The following ZNF732 variants were observed in gnomAD, a reference collection of about 807,000 sequenced individuals.
ZNF732 encodes the protein zinc finger protein LOC654254.
In ZNF732, 12 loss-of-function variants were observed where a neutral mutation model predicts 11.5. The ratio of observed to expected loss-of-function variants is 1.05; its 90% confidence interval spans 0.67 to 1.70. ZNF732 has a LOEUF of 1.70. Ranked by LOEUF, ZNF732 falls within the 40% of genes most tolerant of loss-of-function variation. ZNF732 has a pLI of 0.00. For synonymous variants in ZNF732, 231 were observed against 236.5 expected, an observed-to-expected ratio of 0.98 and a Z score of 0.21; for missense variants, 702 against 676.9, an observed-to-expected ratio of 1.04 and a Z score of -0.41.
At chr4:273,854 T>C (rs1560156602) in intron 3 of ZNF732, among the ~76,000 whole-genome samples, 1 of 151,032 alleles carries the variant, frequency 6.6e-6, no homozygotes, top group Non-Finnish European at 1.5e-5. Flanking sequence ...ATTGGGATAT[T>C]GTTAAGGTGC....
At chr4:289,392 A>G (rs782393448) in intron 3 of ZNF732, among the ~76,000 whole-genome samples, 1 of 152,244 alleles carries the variant, frequency 6.6e-6, no homozygotes, top group Admixed American at 6.5e-5. Flanking sequence ...TTGCAATGAT[A>G]GCTTTTTGGA....
chr4:288,820 G>C (rs1553840981), intron 3 of ZNF732, among the ~76,000 whole-genome samples: 1 of 152,176 alleles, frequency 6.6e-6, no homozygotes, highest in African/African-American at 2.4e-5. Flanking sequence ...TTGGGAGGCG[G>C]AAGTGGGCTG....
chr4:273,868 G>GAA (rs782395865), intron 3 of ZNF732, among the ~76,000 whole-genome samples: 4 of 131,262 alleles, frequency 3.0e-5, no homozygotes, highest in Admixed American at 7.7e-5. Flanking sequence ...AAGGTGCTAG[G>GAA]AAAAAAAAAA....
At chr4:305,227 A>G in intron 1 of ZNF732, 81 bp downstream of exon 1, 2 of 1,543,068 alleles carry the variant, frequency 1.3e-6, no homozygotes, top group Admixed American at 3.9e-5. Context: ...CTCCGTTCGC[A>G]GACTCCGTCC....
At chr4:289,577 T>C (rs782571976) in intron 3 of ZNF732, among the ~76,000 whole-genome samples, 1 of 152,250 alleles carries the variant, frequency 6.6e-6, no homozygotes, top group East Asian at 1.9e-4. Context: ...GCAAGCTTAT[T>C]GTTAGCATAG....
chr4:288,603 T>C (rs1352999434), intron 3 of ZNF732, among the ~76,000 whole-genome samples: 1 of 152,246 alleles, frequency 6.6e-6, no homozygotes, highest in East Asian at 1.9e-4. Context: ...CATCTATTTG[T>C]TTTCCTGCAA....
chr4:284,709 A>G (rs1719691125), intron 3 of ZNF732, among the ~76,000 whole-genome samples: 1 of 151,662 alleles, frequency 6.6e-6, no homozygotes, highest in South Asian at 2.1e-4. Context: ...AGTCTCTACT[A>G]AAAATACAAA....
chr4:299,961 C>T (rs1720079131), intron 1 of ZNF732, among the ~76,000 whole-genome samples: 1 of 148,670 alleles, frequency 6.7e-6, no homozygotes. Context: ...GCCTCGGCCT[C>T]CCAAAGTGCT....
chr4:283,535 T>C (rs987745424), intron 3 of ZNF732, among the ~76,000 whole-genome samples: 1 of 150,542 alleles, frequency 6.6e-6, no homozygotes, highest in Non-Finnish European at 1.5e-5. Flanking sequence ...CTTCATGATA[T>C]AGTGATAAGA....
At chr4:287,148 C>G (rs952050097) in intron 3 of ZNF732, among the ~76,000 whole-genome samples, 1 of 151,966 alleles carries the variant, frequency 6.6e-6, no homozygotes, top group South Asian at 2.1e-4. Flanking sequence ...AAGACTCCGT[C>G]GCAAAACAAA....
intron 1 of ZNF732, among the ~76,000 whole-genome samples, chr4:302,089 G>T (rs557633446): frequency 6.6e-6 from 1 of 151,984 alleles, no homozygotes; most frequent in Non-Finnish European, 1.5e-5. Context: ...TAGATAGAAG[G>T]AGAGACCATT....
rs782483611 is a variant in ZNF732, at chr4:272,266, A to G, written c.591T>C (p.Cys197=). The G allele has an allele frequency of 3.7e-6, 6 of 1,613,348 alleles. No individual in the cohort carries two copies. Among genetic ancestry groups the G allele is most frequent in the Non-Finnish European group, 5.1e-6 (6 of 1,179,560 alleles). ...ATTTAAAGTCTTTGCCACATTCTTCACATGTGTAGGGTTTCTCTCCAGCAT... is the reference window on the plus strand; with the variant it reads ...ATTTAAAGTCTTTGCCACATTCTTCGCATGTGTAGGGTTTCTCTCCAGCAT... ...GIHAGEKPYT[C]EECGKDFKWY... Residue 197 remains cysteine (C), a synonymous_variant, in exon 4 of 4, where the codon TGT becomes TGC. Coordinates refer to ENST00000419098, the MANE Select transcript of ZNF732 (RefSeq NM_001137608.3).
At position 271,121 on chromosome 4, in the gene ZNF732, A is replaced by T. The variant is rs1553837156; in HGVS notation, c.1736T>A (p.Ile579Asn). The change falls in exon 4 of 4, where the codon ATT becomes AAT. Residue 579 changes from isoleucine (I) to asparagine (N), a missense_variant. Transcript: ENST00000419098. ...TTTCTAGAGTTTCTCTCCAGTATAA[A>T]TTTTATTATGTTGATTAAGGTATGA... is the stretch of plus-strand genomic sequence containing the variant. ...WSSYLNQHNK[I>N]YTGEKL 3 of 1,517,086 alleles carry T rather than the reference A, an allele frequency of 2.0e-6. No homozygotes were observed. The highest frequency in any genetic ancestry group is 2.8e-5 in the African/African-American group (2 of 71,026). The allele number at this position is 1,517,086 out of a possible 1,614,324, so 94.0% of individuals were successfully genotyped here. A position where few individuals can be genotyped will look rare whatever the true frequency, so the allele number is the denominator to read the frequency against.
In ZNF732 at chr4:271,707, G is replaced by T. The variant is rs1166689118; in HGVS notation, c.1150C>A (p.His384Asn). The T allele has an allele frequency of 1.2e-6, 2 of 1,612,648 alleles. No individual in the cohort carries two copies. Among genetic ancestry groups the T allele is most frequent in the African/African-American group, 2.7e-5 (2 of 74,884 alleles). The change falls in exon 4 of 4, where the codon CAT (histidine) becomes AAT (asparagine). Residue 384 changes from histidine (H) to asparagine (N), a missense_variant. His to Asn is a moderately conservative substitution (Grantham distance 68, BLOSUM62 1). Coordinates refer to ENST00000419098, the MANE Select transcript of ZNF732 (RefSeq NM_001137608.3). Reference sequence around the variant, plus strand: ...CATGTGTAGGGTTTCTCTCCAGTATGAATACTCTTATGTTTATTAAGGGTT... The same window carrying T: ...CATGTGTAGGGTTTCTCTCCAGTATTAATACTCTTATGTTTATTAAGGGTT... Reference protein sequence around the residue: ...SATLNKHKSIHTGEKPYTCEE... With the variant: ...SATLNKHKSINTGEKPYTCEE...
rs573050738 is a variant in ZNF732 at position 299,343 on chromosome 4, G to GTATA, written c.4-3192_4-3189dup. 5.5e-3 allele frequency among the ~76,000 whole-genome samples: 674 copies of GTATA among 122,208 alleles called. 10 individuals are homozygous for GTATA. Among genetic ancestry groups the GTATA allele is most frequent in the Middle Eastern group, 0.045 (9 of 198 alleles). 80.2% of individuals were successfully genotyped at this position (122,208 alleles called of 152,430 possible). A position where few individuals can be genotyped will look rare whatever the true frequency, so the allele number is the denominator to read the frequency against. On this transcript the variant is annotated intron_variant, in intron 1 of 3. Coordinates refer to ENST00000419098, the MANE Select transcript of ZNF732 (RefSeq NM_001137608.3). ...ACGCTCCAATTAGAAGCAGTTATGAGTATATATACACATATATACACATAT... is the reference window on the plus strand; with the variant it reads ...ACGCTCCAATTAGAAGCAGTTATGAGTATATATATATACACATATATACACATAT...
chr4:290,272 T>C (rs898405819), intron 3 of ZNF732, among the ~76,000 whole-genome samples: 22 of 152,234 alleles, frequency 1.4e-4, no homozygotes, highest in African/African-American at 4.8e-4. Flanking sequence ...CAAGAGCCCA[T>C]AGACATAGCT....
chr4:287,049 G>A (rs901362732), intron 3 of ZNF732, among the ~76,000 whole-genome samples: 3 of 152,020 alleles, frequency 2.0e-5, no homozygotes, highest in East Asian at 1.9e-4. Flanking sequence ...TACTCAGGAG[G>A]CTGAGGCAGG....
At chr4:276,883 G>C (rs1553838774) in intron 3 of ZNF732, among the ~76,000 whole-genome samples, 1 of 151,394 alleles carries the variant, frequency 6.6e-6, no homozygotes, top group East Asian at 1.9e-4. Flanking sequence ...AAAACAGCTG[G>C]AAGCATCACA....
At position 295,454 on chromosome 4, in the gene ZNF732, T is replaced by C. The variant is rs782703832; in HGVS notation, c.210A>G (p.Thr70=). Residue 70 remains threonine, a synonymous_variant, in exon 3 of 4, where the codon ACA becomes ACG. Coordinates refer to ENST00000419098, the MANE Select transcript of ZNF732 (RefSeq NM_001137608.3). ...GTCACCTACCTGGGTGTTTGGCTAC[T>C]GTCTCATGTATCTTCACTTTGTAGG... is the stretch of plus-strand genomic sequence containing the variant. The part of the protein sequence containing the change: ...KEPYKVKIHE[T]VAKHPAVCSH... 6.2e-7 allele frequency: 1 copy of C among 1,608,760 alleles called. No individual in the cohort carries two copies. Among genetic ancestry groups the C allele is most frequent in the South Asian group, 1.1e-5 (1 of 90,050 alleles).
Sources: allele counts gnomAD v4.1 joint callset (sites outside exome capture counted in the v4.1 genomes callset), GRCh38; gene constraint gnomAD v4.1.1; transcripts MANE v1.5; gene names NCBI Gene and HGNC (gene_info 2026-07-23, HGNC 2026-07-21).